The following SNX10 variants were observed in gnomAD, a reference collection of about 807,000 sequenced individuals.
SNX10 encodes the protein sorting nexin-10.
SNX10 carries 25 observed loss-of-function variants against 28.5 expected under a neutral mutation model. That is an observed-to-expected ratio of 0.88 (90% CI 0.64 to 1.22). SNX10 has a LOEUF of 1.22. Ranked by LOEUF, SNX10 falls within the 50% of genes most tolerant of loss-of-function variation. The probability of loss-of-function intolerance (pLI) is 0.00; values close to 1 mark genes in which losing one functional copy is unlikely to be tolerated. For missense variants in SNX10, 223 were observed against 242.6 expected (o/e 0.92, Z 0.54); for synonymous variants, 62 against 81.4 (o/e 0.76, Z 1.28).
At chr7:26,298,041 GCCAACATGGTGAAAGC>G (rs1324412664) in intron 1 of SNX10, among the ~76,000 whole-genome samples, 1 of 152,214 alleles carries the variant, frequency 6.6e-6, no homozygotes, top group African/African-American at 2.4e-5. Context: ...GACCAGCCTG[GCCAACATGGTGAAAGC>G]CCATCTTTAC....
intron 1 of SNX10, among the ~76,000 whole-genome samples, chr7:26,310,487 A>G (rs1786783894): frequency 6.6e-6 from 1 of 152,162 alleles, no homozygotes; most frequent in Non-Finnish European, 1.5e-5. Context: ...CCGAGGAGAA[A>G]ATGAAAGGAT....
chr7:26,308,264 T>C (rs1238790402), intron 1 of SNX10, among the ~76,000 whole-genome samples: 1 of 152,146 alleles, frequency 6.6e-6, no homozygotes, highest in Non-Finnish European at 1.5e-5. Context: ...CCCCTGTGTT[T>C]CCATAAAGAA....
rs1469742422 is a variant in SNX10 at position 26,364,730 on chromosome 7, A to G, written c.212+95A>G. 1.8e-5 allele frequency: 16 copies of G among 867,142 alleles called. No homozygotes were observed. The East Asian group carries it at 2.4e-4, about 13-fold the overall frequency. 53.7% of individuals were successfully genotyped at this position (867,142 alleles called of 1,614,324 possible). A position where few individuals can be genotyped will look rare whatever the true frequency, so the allele number is the denominator to read the frequency against. On this transcript the variant is annotated intron_variant, in intron 4 of 6. Transcript: ENST00000338523. The surrounding 1 kb of genome is among the most constrained non-coding windows in gnomAD (Gnocchi z 4.9). ...GATATATAAGATATGAAGGATTTTT[A>G]TAGGCTTTTGCCTTGATTACAATAT...
chr7:26,346,277 C>T (rs1285640533), intron 1 of SNX10, 143 bp from the exon 2 acceptor site: 19 of 666,166 alleles, frequency 2.9e-5, no homozygotes, highest in Admixed American at 6.7e-5. Flanking sequence ...GAGAGGGCAG[C>T]GTGGGAGGAG....
At chr7:26,296,750 C>T (rs79477586) in intron 1 of SNX10, among the ~76,000 whole-genome samples, 7,566 of 152,220 alleles carry the variant, frequency 0.05, 255 homozygotes, top group Non-Finnish European at 0.077. Context: ...TGGTGGCTCA[C>T]GCCTGTAATC....
chr7:26,340,378 G>GT (rs1353544125), intron 1 of SNX10, among the ~76,000 whole-genome samples: 26 of 152,304 alleles, frequency 1.7e-4, no homozygotes, highest in African/African-American at 6.0e-4. Flanking sequence ...GCAGACTTGA[G>GT]TAGGAGATGC....
rs544223819 is a variant in SNX10, at chr7:26,359,312, A to T, written c.25-1663A>T. ...CAGAGTGTGGTGTATTTTTTTGATT[A>T]AAAAAAATCCTCTATGATGAAGAGT... On this transcript the variant is annotated intron_variant, in intron 2 of 6. Coordinates refer to ENST00000338523, the MANE Select transcript of SNX10 (RefSeq NM_013322.3). Among the ~76,000 whole-genome samples, 9 of 152,060 alleles carry T rather than the reference A, an allele frequency of 5.9e-5. No homozygotes were observed. In the East Asian group the frequency reaches 1.2e-3, roughly 20 times the overall value.
intron 1 of SNX10, among the ~76,000 whole-genome samples, chr7:26,340,004 G>GTT (rs138983233): frequency 5.3e-5 from 8 of 149,714 alleles, no homozygotes; most frequent in Non-Finnish European, 8.9e-5. Context: ...AGTCTTTGCC[G>GTT]TTTTTTTTTT....
chr7:26,332,900 G>A (rs996690013), intron 1 of SNX10, among the ~76,000 whole-genome samples: 1 of 151,980 alleles, frequency 6.6e-6, no homozygotes, highest in African/African-American at 2.4e-5. Flanking sequence ...TAAACCTATG[G>A]GTTTATTTCT....
intron 5 of SNX10, among the ~76,000 whole-genome samples, chr7:26,371,495 T>G (rs1050624995): frequency 6.6e-6 from 1 of 152,180 alleles, no homozygotes; most frequent in Non-Finnish European, 1.5e-5. Flanking sequence ...AGAATAACTT[T>G]CTATGACTAT....
At chr7:26,294,407 A>G in intron 1 of SNX10, among the ~76,000 whole-genome samples, 1 of 152,218 alleles carries the variant, frequency 6.6e-6, no homozygotes, top group East Asian at 1.9e-4. Flanking sequence ...TTCAGAAATA[A>G]AAAAGGGTGA....
chr7:26,349,824 C>G (rs1031397399), intron 2 of SNX10, among the ~76,000 whole-genome samples: 1 of 152,166 alleles, frequency 6.6e-6, no homozygotes, highest in African/African-American at 2.4e-5. Flanking sequence ...TTTGATTTTT[C>G]TACACTACTC....
At chr7:26,367,695 C>G (rs1789351028) in intron 5 of SNX10, among the ~76,000 whole-genome samples, 1 of 152,118 alleles carries the variant, frequency 6.6e-6, no homozygotes, top group Non-Finnish European at 1.5e-5. Context: ...AACCAGGGTC[C>G]ACTCTAGGGA....
chr7:26,353,437 CTTTT>C (rs11386172), intron 2 of SNX10, among the ~76,000 whole-genome samples: 8 of 74,372 alleles, frequency 1.1e-4, no homozygotes, highest in Admixed American at 1.9e-4. Flanking sequence ...CTGGTAAATG[CTTTT>C]TTTTTTTTTT....
intron 1 of SNX10, among the ~76,000 whole-genome samples, chr7:26,344,507 T>C (rs952761425): frequency 2.6e-5 from 4 of 152,190 alleles, no homozygotes; most frequent in African/African-American, 9.7e-5. Flanking sequence ...TTCATACAAG[T>C]GGAATCATAC....
At chr7:26,349,118 T>C (rs994562710) in intron 2 of SNX10, among the ~76,000 whole-genome samples, 2 of 152,210 alleles carry the variant, frequency 1.3e-5, no homozygotes, top group Non-Finnish European at 2.9e-5. Context: ...TAATCGAATA[T>C]GTAAGGACCA....
intron 1 of SNX10, among the ~76,000 whole-genome samples, chr7:26,328,176 GAGACA>G (rs1787579757): frequency 6.6e-6 from 1 of 152,228 alleles, no homozygotes; most frequent in African/African-American, 2.4e-5. Flanking sequence ...TGGAGGCTGA[GAGACA>G]GGAATGGACT....
intron 1 of SNX10, among the ~76,000 whole-genome samples, chr7:26,333,943 A>G (rs1787834343): frequency 6.6e-6 from 1 of 152,216 alleles, no homozygotes; most frequent in Non-Finnish European, 1.5e-5. Context: ...GTAGCTGAAG[A>G]TAGCTCCTGG....
Position 26,350,310 on chromosome 7 carries a change from A to T in SNX10, c.24+3844A>T, listed in dbSNP as rs3801885. Among the ~76,000 whole-genome samples, 927 of 152,284 alleles carry T rather than the reference A, an allele frequency of 6.1e-3. 34 individuals carry two copies. The highest frequency in any genetic ancestry group is 0.053 in the Admixed American group (812 of 15,292). Reference sequence around the variant, plus strand: ...GCCGAAGTGGGCCCCAGAGAGTTGCACAAACCATGAGGACCCCACCACTGA... The same window carrying T: ...GCCGAAGTGGGCCCCAGAGAGTTGCTCAAACCATGAGGACCCCACCACTGA... On this transcript the variant is annotated intron_variant, in intron 2 of 6. Coordinates refer to ENST00000338523, the MANE Select transcript of SNX10 (RefSeq NM_013322.3).
Sources: allele counts gnomAD v4.1 joint callset (sites outside exome capture counted in the v4.1 genomes callset), GRCh38; gene constraint gnomAD v4.1.1; non-coding constraint Gnocchi (gnomAD v3.1); transcripts MANE v1.5; gene names NCBI Gene and HGNC (gene_info 2026-07-23, HGNC 2026-07-21).